ADGRB3: variants seen among roughly 807,000 people sequenced by gnomAD.
ADGRB3 encodes the protein brain-specific angiogenesis inhibitor 3.
In ADGRB3, 37 loss-of-function variants were observed where a neutral mutation model predicts 193.4. The ratio of observed to expected loss-of-function variants is 0.19; its 90% CI spans 0.15 to 0.25. The LOEUF is 0.25. ADGRB3 is among the 10% of genes least tolerant of loss of function. ADGRB3 has a pLI of 1.00. For synonymous variants in ADGRB3, 690 were observed against 644.2 expected (o/e 1.07, Z -1.08); for missense variants, 1,637 against 1,852.9 (o/e 0.88, Z 2.14).
At chr6:69,006,536 C>T (rs547136007) in intron 11 of ADGRB3, among the ~76,000 whole-genome samples, 2 of 149,744 alleles carry the variant, frequency 1.3e-5, no homozygotes, top group South Asian at 2.1e-4. Context: ...GATGGAGTCT[C>T]GCTCTGTCAC....
At chr6:68,867,849 G>A (rs1765342136) in intron 3 of ADGRB3, among the ~76,000 whole-genome samples, 1 of 152,122 alleles carries the variant, frequency 6.6e-6, no homozygotes, top group South Asian at 2.1e-4. Flanking sequence ...CATTGCTTTT[G>A]GCCAATTTCT....
intron 17 of ADGRB3, among the ~76,000 whole-genome samples, chr6:69,108,536 C>T (rs1451476046): frequency 1.3e-5 from 2 of 151,950 alleles, no homozygotes; most frequent in Non-Finnish European, 2.9e-5. Flanking sequence ...ATACACTAAA[C>T]ACCTTATTTT....
At chr6:68,653,483 C>T (rs1383762076) in intron 3 of ADGRB3, among the ~76,000 whole-genome samples, 3 of 152,008 alleles carry the variant, frequency 2.0e-5, no homozygotes, top group African/African-American at 7.2e-5. Context: ...AATGTATGCA[C>T]ATATTCCACA....
intron 17 of ADGRB3, among the ~76,000 whole-genome samples, chr6:69,089,525 T>A (rs1313772507): frequency 6.6e-6 from 1 of 152,196 alleles, no homozygotes; most frequent in East Asian, 1.9e-4. Context: ...AAGTAAATTA[T>A]TGATTCACTA....
At chr6:69,162,498 C>T (rs1460000515) in intron 17 of ADGRB3, among the ~76,000 whole-genome samples, 2 of 152,094 alleles carry the variant, frequency 1.3e-5, no homozygotes, top group East Asian at 3.9e-4. Context: ...GACTTCGCCA[C>T]TAACTACATT....
chr6:68,723,605 T>A (rs1029482815), intron 3 of ADGRB3, among the ~76,000 whole-genome samples: 1 of 151,776 alleles, frequency 6.6e-6, no homozygotes, highest in African/African-American at 2.4e-5. Context: ...GTGAGGATAA[T>A]TTATCATCTA....
At chr6:69,058,173 T>C (rs1582428666) in intron 15 of ADGRB3, among the ~76,000 whole-genome samples, 1 of 151,916 alleles carries the variant, frequency 6.6e-6, no homozygotes, top group South Asian at 2.1e-4. Flanking sequence ...TGTGTTATAT[T>C]TTTTCTTAAA....
intron 17 of ADGRB3, among the ~76,000 whole-genome samples, chr6:69,187,753 C>G (rs926337331): frequency 6.6e-6 from 1 of 152,184 alleles, no homozygotes; most frequent in Non-Finnish European, 1.5e-5. Flanking sequence ...ATCTATGAAG[C>G]CTTCCCAACT....
At chr6:68,888,008 G>A (rs1765957739) in intron 3 of ADGRB3, among the ~76,000 whole-genome samples, 1 of 152,072 alleles carries the variant, frequency 6.6e-6, no homozygotes, top group Non-Finnish European at 1.5e-5. Context: ...TGTGCTTTCT[G>A]CCAAAGTAAT....
At chr6:68,975,506 C>T (rs563193875) in intron 10 of ADGRB3, among the ~76,000 whole-genome samples, 166 bp downstream of exon 10, 3 of 152,248 alleles carry the variant, frequency 2.0e-5, no homozygotes, top group African/African-American at 7.2e-5. Flanking sequence ...TAGGTCAGTG[C>T]TAAATTGTTT....
At chr6:69,120,999 CTT>C (rs36095516) in intron 17 of ADGRB3, among the ~76,000 whole-genome samples, 7 of 123,532 alleles carry the variant, frequency 5.7e-5, no homozygotes, top group East Asian at 2.4e-4. Context: ...ATGCAGTTAT[CTT>C]TTTTTTTTTT....
chr6:69,196,235 C>A (rs1765293666), intron 17 of ADGRB3, among the ~76,000 whole-genome samples: 1 of 151,984 alleles, frequency 6.6e-6, no homozygotes, highest in South Asian at 2.1e-4. Context: ...TCCTTTCTTG[C>A]CAATTTCATA....
intron 20 of ADGRB3, among the ~76,000 whole-genome samples, chr6:69,308,591 G>T (rs1768114238): frequency 6.6e-6 from 1 of 151,640 alleles, no homozygotes; most frequent in South Asian, 2.1e-4. Flanking sequence ...TAATATTTAG[G>T]TTTAATTTTG....
At chr6:69,201,754 T>C (rs1765421484) in intron 17 of ADGRB3, among the ~76,000 whole-genome samples, 1 of 152,104 alleles carries the variant, frequency 6.6e-6, no homozygotes, top group Non-Finnish European at 1.5e-5. Context: ...GAAATTTCTT[T>C]TATAACAGAA....
chr6:69,097,155 A>G (rs1772903861), intron 17 of ADGRB3, among the ~76,000 whole-genome samples: 1 of 152,218 alleles, frequency 6.6e-6, no homozygotes. Flanking sequence ...TATTTAAAGA[A>G]AGGTCGTGTT....
chr6:69,318,610 G>A (rs1008963783), intron 20 of ADGRB3, among the ~76,000 whole-genome samples: 5 of 151,156 alleles, frequency 3.3e-5, no homozygotes, highest in South Asian at 2.1e-4. Context: ...TCTTTGACCC[G>A]GAAATGGTAA....
chr6:69,245,874 C>T (rs942678268), intron 20 of ADGRB3, among the ~76,000 whole-genome samples: 1 of 152,094 alleles, frequency 6.6e-6, no homozygotes. Flanking sequence ...CTTGCAAGCA[C>T]ATTGTCTATG....
At chr6:69,300,660 C>T (rs80215500) in intron 20 of ADGRB3, among the ~76,000 whole-genome samples, 12,845 of 151,810 alleles carry the variant, frequency 0.085, 645 homozygotes, top group Middle Eastern at 0.22. Flanking sequence ...GCAGCATTTA[C>T]ATATGCTACT....
chr6:69,052,328 G>A (rs1771423251), intron 15 of ADGRB3, among the ~76,000 whole-genome samples: 2 of 152,176 alleles, frequency 1.3e-5, no homozygotes, highest in African/African-American at 4.8e-5. Flanking sequence ...CTATATGTTT[G>A]TGTGAATTGA....
Sources: allele counts gnomAD v4.1 joint callset (sites outside exome capture counted in the v4.1 genomes callset), GRCh38; gene constraint gnomAD v4.1.1; transcripts MANE v1.5; gene names NCBI Gene and HGNC (gene_info 2026-07-23, HGNC 2026-07-21).